IL1RAPL1: variants seen among roughly 807,000 people sequenced by gnomAD.
IL1RAPL1 encodes interleukin-1 receptor accessory protein-like 1.
In IL1RAPL1, 3 loss-of-function variants were observed where a neutral mutation model predicts 48.4. The ratio of observed to expected loss-of-function variants is 0.06; its 90% confidence interval spans 0.03 to 0.16. The LOEUF is 0.16. IL1RAPL1 is among the 10% of genes least tolerant of loss of function. The pLI, the probability that IL1RAPL1 is intolerant of heterozygous loss-of-function variation, is 1.00. For missense variants in IL1RAPL1, 349 were observed against 530.6 expected, an observed-to-expected ratio of 0.66 and a Z score of 3.36; for synonymous variants, 185 against 187.7, an observed-to-expected ratio of 0.99 and a Z score of 0.12.
chrX:29,678,937 C>T (rs1376421765), intron 6 of IL1RAPL1, among the ~76,000 whole-genome samples: 1 of 111,376 alleles, frequency 9.0e-6, no homozygotes, highest in East Asian at 2.8e-4. Context: ...ATAATTTTCT[C>T]TCCCTTCCAC....
At chrX:28,950,114 GTA>G (rs1457553814) in intron 2 of IL1RAPL1, among the ~76,000 whole-genome samples, 5 of 100,966 alleles carry the variant, frequency 5.0e-5, no homozygotes, top group Non-Finnish European at 8.0e-5. Flanking sequence ...ATTGATTTTT[GTA>G]TAAGGTGTAA....
At chrX:29,542,931 A>C (rs942694666) in intron 5 of IL1RAPL1, among the ~76,000 whole-genome samples, 2 of 111,797 alleles carry the variant, frequency 1.8e-5, no homozygotes, top group Non-Finnish European at 3.8e-5. Context: ...CATCTTTAGA[A>C]GGAAACTAGA....
chrX:28,787,567 T>C (rs768642519), intron 1 of IL1RAPL1, among the ~76,000 whole-genome samples: 3 of 111,824 alleles, frequency 2.7e-5, no homozygotes, highest in Non-Finnish European at 5.6e-5. Flanking sequence ...GCCATTAAAA[T>C]AGATTATTTT....
At chrX:29,510,705 A>G (rs1363646135) in intron 5 of IL1RAPL1, among the ~76,000 whole-genome samples, 1 of 111,485 alleles carries the variant, frequency 9.0e-6, no homozygotes, top group Non-Finnish European at 1.9e-5. Flanking sequence ...ACAAACTACC[A>G]TGCCATCCTT....
chrX:29,571,120 G>A lies in IL1RAPL1; in HGVS notation c.704-97310G>A, dbSNP rs762301624. Among the ~76,000 whole-genome samples, 5 of 110,945 alleles carry A rather than the reference G, an allele frequency of 4.5e-5. No individual in the cohort carries two copies. In the East Asian group the frequency reaches 1.4e-3, roughly 32 times the overall value. On this transcript the variant is annotated intron_variant, in intron 5 of 10. Transcript: ENST00000378993. The stretch of plus-strand genomic sequence containing the variant: ...GCCTATAGTCCCAGCTACTCAGGAG[G>A]CTGAGGCAGGAGAATGGCGTGAACC...
intron 5 of IL1RAPL1, among the ~76,000 whole-genome samples, chrX:29,551,962 G>T (rs913722670): frequency 3.0e-4 from 33 of 111,635 alleles, no homozygotes; most frequent in African/African-American, 1.1e-3. Flanking sequence ...AGACAAGTCT[G>T]TCAGCACACC....
At chrX:29,347,698 ATTAAG>A (rs1186743961) in intron 3 of IL1RAPL1, among the ~76,000 whole-genome samples, 1 of 111,475 alleles carries the variant, frequency 9.0e-6, no homozygotes, top group Non-Finnish European at 1.9e-5. Context: ...CCGTTTACTT[ATTAAG>A]TTGAGAATTT....
At chrX:29,471,651 A>G (rs1486589523) in intron 5 of IL1RAPL1, among the ~76,000 whole-genome samples, 1 of 111,795 alleles carries the variant, frequency 8.9e-6, no homozygotes, top group Admixed American at 9.5e-5. Flanking sequence ...TGGCATAGTA[A>G]GTTTGGAGTC....
At chrX:29,454,807 ATT>A (rs1355849414) in intron 5 of IL1RAPL1, among the ~76,000 whole-genome samples, 1 of 102,636 alleles carries the variant, frequency 9.7e-6, no homozygotes, top group African/African-American at 3.5e-5. Flanking sequence ...CTTCCGTTTG[ATT>A]TTTTTTTTTT....
At chrX:29,680,057 A>AT (rs997039482) in intron 6 of IL1RAPL1, among the ~76,000 whole-genome samples, 5 of 110,605 alleles carry the variant, frequency 4.5e-5, no homozygotes, top group Admixed American at 1.9e-4. Context: ...TAATTTGGGG[A>AT]TTTTTTTTTG....
intron 2 of IL1RAPL1, among the ~76,000 whole-genome samples, chrX:29,015,290 GTAA>G (rs1045496750): frequency 2.7e-5 from 3 of 110,797 alleles, no homozygotes; most frequent in Non-Finnish European, 3.8e-5. Context: ...CTCTATAATG[GTAA>G]TAATAATAAT....
At chrX:29,146,448 C>T (rs898305171) in intron 2 of IL1RAPL1, among the ~76,000 whole-genome samples, 1 of 111,366 alleles carries the variant, frequency 9.0e-6, no homozygotes, top group Non-Finnish European at 1.9e-5. Context: ...ATGTAATTTA[C>T]TATAGTTTTT....
intron 2 of IL1RAPL1, among the ~76,000 whole-genome samples, chrX:28,999,484 C>G (rs1247798707): frequency 9.0e-6 from 1 of 111,489 alleles, no homozygotes. Flanking sequence ...GTAATACAAC[C>G]TCTTCATTTT....
intron 2 of IL1RAPL1, among the ~76,000 whole-genome samples, chrX:28,883,297 A>G (rs1032819568): frequency 8.9e-6 from 1 of 111,842 alleles, no homozygotes; most frequent in African/African-American, 3.2e-5. Context: ...GCTTTTGTCA[A>G]TCTTGTTAAA....
At chrX:29,735,115 G>A (rs1157689624) in intron 6 of IL1RAPL1, among the ~76,000 whole-genome samples, 1 of 111,935 alleles carries the variant, frequency 8.9e-6, no homozygotes, top group Non-Finnish European at 1.9e-5. Flanking sequence ...CTAAAATCAA[G>A]GTATTGGCAG....
At chrX:29,668,539 T>G (rs767076997) in intron 6 of IL1RAPL1, 35 bp downstream of exon 6, 1 of 974,309 alleles carries the variant, frequency 1.0e-6, no homozygotes, top group African/African-American at 1.9e-5. Flanking sequence ...AATATGCTGC[T>G]CTCGTTACAT....
intron 5 of IL1RAPL1, among the ~76,000 whole-genome samples, chrX:29,599,932 G>A (rs1444285032): frequency 9.0e-6 from 1 of 111,582 alleles, no homozygotes; most frequent in African/African-American, 3.3e-5. Flanking sequence ...CCTGTATGAT[G>A]TTTTTTATTT....
intron 1 of IL1RAPL1, among the ~76,000 whole-genome samples, chrX:28,766,552 ACT>A (rs900746513): frequency 4.6e-5 from 5 of 109,784 alleles, no homozygotes; most frequent in African/African-American, 1.7e-4. Context: ...ATCCAATTAC[ACT>A]CTTTTAGTTG....
intron 5 of IL1RAPL1, among the ~76,000 whole-genome samples, chrX:29,443,235 T>G: frequency 9.8e-6 from 1 of 101,809 alleles, no homozygotes; most frequent in Admixed American, 1.0e-4. Flanking sequence ...TCGCTTGCTC[T>G]CTCTCTCTCT....
Sources: allele counts gnomAD v4.1 joint callset (sites outside exome capture counted in the v4.1 genomes callset), GRCh38; gene constraint gnomAD v4.1.1; transcripts MANE v1.5; gene names NCBI Gene and HGNC (gene_info 2026-07-23, HGNC 2026-07-21).